The following UPP2 variants were observed in gnomAD, a reference collection of about 807,000 sequenced individuals.
UPP2 encodes UPase 2.
Under a neutral mutation model 26.7 loss-of-function variants are expected in UPP2, and 23 were observed. The observed-to-expected ratio is 0.86, with a 90% confidence interval of 0.62 to 1.22. UPP2 has a LOEUF of 1.22. UPP2 is among the 50% of genes most tolerant of loss of function. UPP2 has a pLI of 0.00. For synonymous variants in UPP2, 127 were observed against 141.3 expected, an observed-to-expected ratio of 0.90 and a Z score of 0.72; for missense variants, 387 against 396.7, an observed-to-expected ratio of 0.98 and a Z score of 0.21.
intron 3 of UPP2, among the ~76,000 whole-genome samples, chr2:158,079,139 C>T (rs1467922413): frequency 6.6e-6 from 1 of 152,036 alleles, no homozygotes; most frequent in East Asian, 1.9e-4. Context: ...TTTCCTGAGG[C>T]CTCCCCAGCC....
intron 3 of UPP2, among the ~76,000 whole-genome samples, chr2:158,050,237 C>T (rs1558914721): frequency 6.6e-6 from 1 of 152,144 alleles, no homozygotes; most frequent in Non-Finnish European, 1.5e-5. Flanking sequence ...TGACCATCTC[C>T]TGGAGACAGG....
intron 3 of UPP2, among the ~76,000 whole-genome samples, chr2:158,073,407 G>A (rs1682575718): frequency 6.6e-6 from 1 of 152,086 alleles, no homozygotes; most frequent in Non-Finnish European, 1.5e-5. Context: ...GAAAAAGATA[G>A]GAGTAGAAAG....
chr2:158,121,339 G>A (rs1683561611), intron 4 of UPP2, 70 bp from the exon 5 acceptor site: 2 of 1,380,420 alleles, frequency 1.4e-6, no homozygotes, highest in African/African-American at 2.8e-5. Context: ...ACTAGAATAA[G>A]TTACATACTA....
chr2:158,063,886 G>C (rs1682393343), intron 3 of UPP2, among the ~76,000 whole-genome samples: 1 of 152,134 alleles, frequency 6.6e-6, no homozygotes, highest in Admixed American at 6.5e-5. Flanking sequence ...TGAGAATGAT[G>C]GTTTCCAGCT....
At chr2:158,037,983 A>C (rs1684029383) in intron 3 of UPP2, among the ~76,000 whole-genome samples, 2 of 152,176 alleles carry the variant, frequency 1.3e-5, no homozygotes, top group African/African-American at 2.4e-5. Flanking sequence ...ATGGGCCCTT[A>C]GAAAGAAACT....
In UPP2 at chr2:158,135,576, G is replaced by A. The variant is rs188583051; in HGVS notation, c.*686G>A. ...CTTCAGAATCACAAGTGACTAAATT[G>A]CCTTCTAGCCATTTTTTCTTGTAAA... On this transcript the variant is annotated 3_prime_UTR_variant, in exon 7 of 7. Coordinates refer to ENST00000005756, the MANE Select transcript of UPP2 (RefSeq NM_173355.4). 5 of 152,134 alleles carry A rather than the reference G, an allele frequency of 3.3e-5. No homozygotes were observed. Among genetic ancestry groups the A allele is most frequent in the African/African-American group, 1.2e-4 (5 of 41,428 alleles). 9.4% of individuals were successfully genotyped at this position (152,134 alleles called of 1,614,324 possible). A position where few individuals can be genotyped will look rare whatever the true frequency, so the allele number is the denominator to read the frequency against.
intron 3 of UPP2, among the ~76,000 whole-genome samples, chr2:158,048,217 AAG>A (rs1433129852): frequency 6.6e-6 from 1 of 152,204 alleles, no homozygotes; most frequent in African/African-American, 2.4e-5. Flanking sequence ...ACACTTGGAC[AAG>A]AGAGTTGGAT....
At chr2:158,033,156 T>C (rs2105157997) in intron 3 of UPP2, among the ~76,000 whole-genome samples, 1 of 152,206 alleles carries the variant, frequency 6.6e-6, no homozygotes, top group African/African-American at 2.4e-5. Flanking sequence ...ATACTGAAGA[T>C]GGGAGGGGGG....
intron 3 of UPP2, among the ~76,000 whole-genome samples, chr2:158,057,289 G>A (rs1285438943): frequency 6.6e-6 from 1 of 152,174 alleles, no homozygotes; most frequent in African/African-American, 2.4e-5. Flanking sequence ...CGCACCTAAG[G>A]AGTGGGGAGA....
At chr2:158,115,497 C>T (rs1683410513) in intron 3 of UPP2, among the ~76,000 whole-genome samples, 1 of 152,110 alleles carries the variant, frequency 6.6e-6, no homozygotes, top group African/African-American at 2.4e-5. Flanking sequence ...ACTCAAAGCA[C>T]CCCTCCTTTC....
chr2:158,109,589 G>T (rs1174705182), intron 2 of UPP2, among the ~76,000 whole-genome samples: 1 of 152,180 alleles, frequency 6.6e-6, no homozygotes, highest in African/African-American at 2.4e-5. Flanking sequence ...TAGGATGGGA[G>T]ATTTCTATGG....
chr2:157,999,506 A>G (rs940733743), intron 2 of UPP2, among the ~76,000 whole-genome samples: 3 of 152,188 alleles, frequency 2.0e-5, no homozygotes, highest in East Asian at 1.9e-4. Flanking sequence ...GTCATCATCT[A>G]TGTCTTTTCT....
At chr2:158,104,967 G>GAAGGA (rs1683153498) in intron 1 of UPP2, among the ~76,000 whole-genome samples, 1 of 74,950 alleles carries the variant, frequency 1.3e-5, no homozygotes, top group East Asian at 6.5e-4. Flanking sequence ...GAAGGGAAGG[G>GAAGGA]AAGGGAAGGG....
At chr2:158,070,138 T>G (rs1392287890) in intron 3 of UPP2, among the ~76,000 whole-genome samples, 1 of 152,186 alleles carries the variant, frequency 6.6e-6, no homozygotes, top group East Asian at 1.9e-4. Flanking sequence ...CTCTCTTCAC[T>G]TCTTACTAGC....
At position 158,031,845 on chromosome 2, in the gene UPP2, C is replaced by T. The variant is rs115439509; in HGVS notation, c.147+15959C>T. 8.6e-3 allele frequency among the ~76,000 whole-genome samples: 1,305 copies of T among 152,178 alleles called. 22 individuals carry two copies. Among genetic ancestry groups the T allele is most frequent in the African/African-American group, 0.029 (1,204 of 41,542 alleles). On this transcript the variant is annotated intron_variant, in intron 3 of 9. Transcript: ENST00000605860. ...ATCCCTTGGATGGGTAAAATACTAG[C>T]GTTCTTTCTTTAGCAATTTCCTCGT...
At chr2:158,033,909 G>T (rs576707989) in intron 3 of UPP2, among the ~76,000 whole-genome samples, 2 of 151,852 alleles carry the variant, frequency 1.3e-5, no homozygotes, top group African/African-American at 4.9e-5. Flanking sequence ...AACATTAGGA[G>T]TTGGAGAAGG....
At chr2:158,117,209 C>G (rs1335920947) in intron 3 of UPP2, among the ~76,000 whole-genome samples, 1 of 151,772 alleles carries the variant, frequency 6.6e-6, no homozygotes, top group Non-Finnish European at 1.5e-5. Flanking sequence ...TTTCTGGTGA[C>G]ATTGATTCCA....
intron 3 of UPP2, among the ~76,000 whole-genome samples, chr2:158,069,249 A>G (rs1167621155): frequency 6.6e-6 from 1 of 152,178 alleles, no homozygotes; most frequent in African/African-American, 2.4e-5. Context: ...TTTAGTGCCC[A>G]TGAGATCCAA....
intron 3 of UPP2, among the ~76,000 whole-genome samples, chr2:158,083,308 A>C (rs1682756918): frequency 6.6e-6 from 1 of 152,194 alleles, no homozygotes; most frequent in Non-Finnish European, 1.5e-5. Flanking sequence ...AACCAACCTA[A>C]ATGTCCATCA....
Sources: gnomAD v4.1 joint callset for allele counts (sites outside exome capture counted in the v4.1 genomes callset) on GRCh38, gnomAD v4.1.1 for gene constraint, MANE v1.5 for transcripts, NCBI Gene and HGNC (gene_info 2026-07-23, HGNC 2026-07-21) for gene names.